The following ETS1 variants were observed in gnomAD, a reference collection of about 807,000 sequenced individuals.
The protein encoded by ETS1 is protein C-ets-1.
Under a neutral mutation model 58.6 loss-of-function variants are expected in ETS1, and 15 were observed. The ratio of observed to expected loss-of-function variants is 0.26; its 90% CI spans 0.17 to 0.39. The LOEUF (loss-of-function observed/expected upper bound fraction) is 0.39, where lower values mean the gene tolerates loss of function less well. Among genes scored for constraint, ETS1 ranks in the 10% least tolerant of loss-of-function variants. The probability of loss-of-function intolerance (pLI) is 1.00; values close to 1 mark genes in which losing one functional copy is unlikely to be tolerated. For synonymous variants in ETS1, 214 were observed against 218.2 expected (o/e 0.98, Z 0.17); for missense variants, 417 against 610.5 (o/e 0.68, Z 3.34).
chr11:128,579,845 G>A (rs143671190), intron 1 of ETS1, among the ~76,000 whole-genome samples: 8 of 152,138 alleles, frequency 5.3e-5, no homozygotes, highest in African/African-American at 1.9e-4. Flanking sequence ...TATTTTTGAA[G>A]ACTCAGAGTA....
At chr11:128,570,583 T>C (rs2135577165) in intron 2 of ETS1, among the ~76,000 whole-genome samples, 1 of 152,352 alleles carries the variant, frequency 6.6e-6, no homozygotes, top group African/African-American at 2.4e-5. Flanking sequence ...CTGTTTTAAT[T>C]TGATTATAGT....
At chr11:128,515,600 G>A (rs1003800315) in intron 3 of ETS1, among the ~76,000 whole-genome samples, 23 of 152,226 alleles carry the variant, frequency 1.5e-4, no homozygotes, top group African/African-American at 3.9e-4. Context: ...TGTCTAACTC[G>A]GGTGGCCCTC....
chr11:128,472,652 A>C (rs1266263906), intron 8 of ETS1, among the ~76,000 whole-genome samples: 1 of 152,166 alleles, frequency 6.6e-6, no homozygotes, highest in African/African-American at 2.4e-5. Flanking sequence ...CCAGGGACTG[A>C]GCACAGTGAG....
chr11:128,551,489 A>C (rs559121625), intron 3 of ETS1, among the ~76,000 whole-genome samples: 2 of 152,322 alleles, frequency 1.3e-5, no homozygotes, highest in East Asian at 3.8e-4. Context: ...TTTGTTAGTA[A>C]ATTTGTTTTA....
At chr11:128,587,132 T>G (rs1260929399) in intron 1 of ETS1, among the ~76,000 whole-genome samples, 1 of 148,708 alleles carries the variant, frequency 6.7e-6, no homozygotes, top group Non-Finnish European at 1.5e-5. Flanking sequence ...TTTATATATT[T>G]AACTACAGCT....
chr11:128,573,109 C>A lies in ETS1; in HGVS notation c.22G>T (p.Ala8Ser). The change falls in exon 2 of 10, where the codon GCT (alanine) becomes TCT (serine). Residue 8 changes from alanine to serine, a missense_variant. Ala to Ser is a moderately conservative substitution (Grantham distance 99). Around this residue, in one of 4 missense-constraint regions of ETS1, gnomAD observed 90 missense variants for 90.3 expected, o/e 1.00. Transcript: ENST00000392668. MSYFVDS[A>S]GSSPVPYSAP... ...GAGTAAGGGACGGGGCTGCTCCCAG[C>A]AGAATCCACAAAGTAGCTCATTCTG... 6.3e-7 allele frequency: 1 copy of A among 1,598,266 alleles called. No individual in the cohort carries two copies. The highest frequency in any genetic ancestry group is 8.5e-7 in the Non-Finnish European group (1 of 1,172,420).
chr11:128,503,488 T>C (rs1362921318), intron 3 of ETS1, among the ~76,000 whole-genome samples: 1 of 152,192 alleles, frequency 6.6e-6, no homozygotes, highest in African/African-American at 2.4e-5. Context: ...ACAGATAATG[T>C]GCACAAGCCC....
chr11:128,576,685 C>A (rs1361506459), intron 1 of ETS1, among the ~76,000 whole-genome samples: 1 of 152,006 alleles, frequency 6.6e-6, no homozygotes, highest in Admixed American at 6.6e-5. Context: ...TGTGCCCCCC[C>A]ATGCTCCCTC....
chr11:128,556,452 A>G lies in ETS1; in HGVS notation c.70-17T>C. 1 of 1,556,584 alleles carries G rather than the reference A, an allele frequency of 6.4e-7. No individual in the cohort carries two copies. Among genetic ancestry groups the G allele is most frequent in the Non-Finnish European group, 8.7e-7 (1 of 1,149,522 alleles). On this transcript the variant is annotated splice_polypyrimidine_tract_variant and intron_variant, in intron 2 of 9. Coordinates refer to ENST00000392668, the MANE Select transcript of ETS1 (RefSeq NM_001143820.2). ...TCCTTGCCTCTGTGCAAGAAAAAAT[A>G]GAAGAAAATATATTAGGAGGAAAAT...
chr11:128,532,969 T>C (rs1293648507), intron 3 of ETS1, among the ~76,000 whole-genome samples: 1 of 152,214 alleles, frequency 6.6e-6, no homozygotes, highest in African/African-American at 2.4e-5. Flanking sequence ...GCAGGTCTCC[T>C]GATTAGCTTT....
intron 3 of ETS1, among the ~76,000 whole-genome samples, chr11:128,503,693 C>G (rs1271971514): frequency 6.6e-6 from 1 of 152,178 alleles, no homozygotes; most frequent in Admixed American, 6.5e-5. Context: ...CTGCTCCCAA[C>G]AGACTAATTA....
rs1864201594 is a variant in ETS1, at chr11:128,549,826, C to T, written c.214+6465G>A. Among the ~76,000 whole-genome samples the T allele has an allele frequency of 6.6e-6, 1 of 152,156 alleles. No homozygotes were observed. The highest frequency in any genetic ancestry group is 1.5e-5 in the Non-Finnish European group (1 of 68,014). On this transcript the variant is annotated intron_variant, in intron 3 of 9. Transcript: ENST00000392668. The surrounding 1 kb of genome is among the most constrained non-coding windows in gnomAD (Gnocchi z 4.3). ...CCTGGGTGTGCAGCTCTTTCTGGCCCTCACCAGGCTGGCCTCTCCTTTGGC... is the reference window on the plus strand; with the variant it reads ...CCTGGGTGTGCAGCTCTTTCTGGCCTTCACCAGGCTGGCCTCTCCTTTGGC...
chr11:128,467,823 A>C (rs1862078339), intron 8 of ETS1, among the ~76,000 whole-genome samples: 1 of 152,056 alleles, frequency 6.6e-6, no homozygotes, highest in Non-Finnish European at 1.5e-5. Flanking sequence ...TCTGAGCCAC[A>C]ACAACAGAGG....
At chr11:128,538,990 A>C (rs986716384) in intron 3 of ETS1, among the ~76,000 whole-genome samples, 1 of 152,258 alleles carries the variant, frequency 6.6e-6, no homozygotes. Flanking sequence ...ATAATAGGGG[A>C]GAACCAGATA....
At chr11:128,587,184 A>C (rs1288296513) in intron 1 of ETS1, among the ~76,000 whole-genome samples, 1 of 152,106 alleles carries the variant, frequency 6.6e-6, no homozygotes, top group African/African-American at 2.4e-5. Context: ...AAAAAAAAAA[A>C]AAAATCAGGG....
At position 128,537,703 on chromosome 11, in the gene ETS1, C is replaced by CTT. The variant is rs201783172; in HGVS notation, c.214+18586_214+18587dup. Among the ~76,000 whole-genome samples, 122 of 151,448 alleles carry CTT rather than the reference C, an allele frequency of 8.1e-4. 1 individual carries two copies. In the Middle Eastern group the frequency reaches 0.014, roughly 17 times the overall value. On this transcript the variant is annotated intron_variant, in intron 3 of 9. Transcript: ENST00000392668. Reference sequence around the variant, plus strand: ...CACGGAACATATATTTCTAATTGTGCTTTTTTTTTACCACTTATACGTGTA... The same window carrying CTT: ...CACGGAACATATATTTCTAATTGTGCTTTTTTTTTTTACCACTTATACGTGTA...
At chr11:128,577,596 G>C (rs1864776539) in intron 1 of ETS1, among the ~76,000 whole-genome samples, 1 of 152,030 alleles carries the variant, frequency 6.6e-6, no homozygotes, top group Non-Finnish European at 1.5e-5. Context: ...CACTTTTTCA[G>C]TGTAAACCCC....
Position 128,459,771 on chromosome 11 carries a change from T to C in ETS1, c.*2590A>G, listed in dbSNP as rs1861856102. On this transcript the variant is annotated 3_prime_UTR_variant, in exon 10 of 10. Coordinates refer to ENST00000392668, the MANE Select transcript of ETS1 (RefSeq NM_001143820.2). Reference sequence around the variant, plus strand: ...ATACACTATCTACAAATCTTGAAAATGGTGGACTTAGAGAGAAAGGGAATT... The same window carrying C: ...ATACACTATCTACAAATCTTGAAAACGGTGGACTTAGAGAGAAAGGGAATT... 6.6e-6 allele frequency: 1 copy of C among 152,552 alleles called. No homozygotes were observed. Among genetic ancestry groups the C allele is most frequent in the Non-Finnish European group, 1.5e-5 (1 of 68,012 alleles). The allele number at this position is 152,552 out of a possible 1,614,324, so 9.4% of individuals were successfully genotyped here. A position where few individuals can be genotyped will look rare whatever the true frequency, so the allele number is the denominator to read the frequency against.
At chr11:128,523,583 T>TTA (rs1275244859) in intron 3 of ETS1, among the ~76,000 whole-genome samples, 1 of 152,248 alleles carries the variant, frequency 6.6e-6, no homozygotes, top group Non-Finnish European at 1.5e-5. Context: ...ACACACAGGC[T>TTA]TACCTTCATC....
Sources: allele counts gnomAD v4.1 joint callset (sites outside exome capture counted in the v4.1 genomes callset), GRCh38; gene constraint gnomAD v4.1.1; regional missense constraint gnomAD v4.1.1; non-coding constraint Gnocchi (gnomAD v3.1); transcripts MANE v1.5; gene names NCBI Gene and HGNC (gene_info 2026-07-23, HGNC 2026-07-21).